CCSER1: variants seen among roughly 807,000 people sequenced by gnomAD.
CCSER1 encodes coiled-coil serine rich protein 1.
CCSER1 carries 41 observed loss-of-function variants against 82.0 expected under a neutral mutation model. The observed-to-expected ratio is 0.50, with a 90% CI of 0.39 to 0.65. CCSER1 has a LOEUF of 0.65. CCSER1 is among the 30% of genes least tolerant of loss of function. The pLI is 0.00. For synonymous variants in CCSER1, 414 were observed against 383.9 expected (o/e 1.08, Z -0.92); for missense variants, 1,119 against 1,064.2 (o/e 1.05, Z -0.72).
intron 1 of CCSER1, among the ~76,000 whole-genome samples, chr4:90,264,793 A>G (rs1724957001): frequency 1.3e-5 from 2 of 151,968 alleles, no homozygotes; most frequent in Admixed American, 1.3e-4. Context: ...TCCTGTCTGG[A>G]TTATTAAGGT....
At chr4:90,594,525 A>G (rs958386936) in intron 5 of CCSER1, among the ~76,000 whole-genome samples, 1 of 152,146 alleles carries the variant, frequency 6.6e-6, no homozygotes, top group Non-Finnish European at 1.5e-5. Context: ...TATAGTAAAC[A>G]GTCTCACAGA....
chr4:91,205,534 A>G (rs1736272866), intron 10 of CCSER1, among the ~76,000 whole-genome samples: 1 of 151,762 alleles, frequency 6.6e-6, no homozygotes, highest in South Asian at 2.1e-4. Flanking sequence ...GGGACATTGA[A>G]GAGAGTCTCA....
Position 91,602,237 on chromosome 4 carries a change from G to T in CCSER1, c.*3180G>T, listed in dbSNP as rs1764841135. 6.6e-6 allele frequency among the ~76,000 whole-genome samples: 1 copy of T among 151,888 alleles called. No homozygotes were observed. Among genetic ancestry groups the T allele is most frequent in the East Asian group, 1.9e-4 (1 of 5,192 alleles). Reference sequence around the variant, plus strand: ...TACAAAGATTTTCATGATTAATCTGGGTTTATGATTTAATCCTAACTCATT... The same window carrying T: ...TACAAAGATTTTCATGATTAATCTGTGTTTATGATTTAATCCTAACTCATT... On this transcript the variant is annotated 3_prime_UTR_variant, in exon 11 of 11. Coordinates refer to ENST00000509176, the MANE Select transcript of CCSER1 (RefSeq NM_001145065.2).
rs548406155 is a variant in CCSER1 at position 91,303,419 on chromosome 4, G to C, written c.2217+217425G>C. ...TGGAATACTGGAACATAGGCAAAAA[G>C]TAAGGAAATCTAAATAAATTATGAA... On this transcript the variant is annotated intron_variant, in intron 10 of 10. Transcript: ENST00000509176. 2.0e-5 allele frequency among the ~76,000 whole-genome samples: 3 copies of C among 152,082 alleles called. No individual in the cohort carries two copies. The East Asian group carries it at 5.8e-4, about 30-fold the overall frequency.
At chr4:91,471,907 T>C (rs1438699960) in intron 10 of CCSER1, among the ~76,000 whole-genome samples, 1 of 146,350 alleles carries the variant, frequency 6.8e-6, no homozygotes, top group Non-Finnish European at 1.5e-5. Flanking sequence ...GAGGCAGAGC[T>C]TGCAGTGAGC....
Position 91,023,211 on chromosome 4 carries a change from C to T in CCSER1, c.2173-62739C>T, listed in dbSNP as rs1450236263. 4.6e-5 allele frequency among the ~76,000 whole-genome samples: 7 copies of T among 152,186 alleles called. No individual in the cohort carries two copies. The East Asian group carries it at 7.7e-4, about 17-fold the overall frequency. On this transcript the variant is annotated intron_variant, in intron 9 of 10. Transcript: ENST00000509176. ...GCTCATGGGTAGGAAGAATCAATAT[C>T]GTGAAAATGGCCATACTGCCCAAGG...
intron 10 of CCSER1, among the ~76,000 whole-genome samples, chr4:91,552,643 G>C (rs778961389): frequency 3.9e-4 from 59 of 151,596 alleles, no homozygotes; most frequent in Non-Finnish European, 6.5e-4. Context: ...ATGCTCAAAA[G>C]AGTGGAAGCA....
chr4:91,538,698 C>CATATATTATATATATATATATATTAT lies in CCSER1; in HGVS notation c.2218-59868_2218-59867insTATATATATATATATATTATATATAT. Among the ~76,000 whole-genome samples the CATATATTATATATATATATATATTAT allele has an allele frequency of 4.4e-4, 61 of 138,312 alleles. 3 individuals carry two copies. Among genetic ancestry groups the CATATATTATATATATATATATATTAT allele is most frequent in the Non-Finnish European group, 5.5e-4 (36 of 65,326 alleles). The allele number at this position is 138,312 out of a possible 152,430, so 90.7% of individuals were successfully genotyped here. A position where few individuals can be genotyped will look rare whatever the true frequency, so the allele number is the denominator to read the frequency against. On this transcript the variant is annotated intron_variant, in intron 10 of 10. Transcript: ENST00000509176. ...ATATATGATATATATTATATATACACATATATATATATAATATCTCAGTGC... is the reference window on the plus strand; with the variant it reads ...ATATATGATATATATTATATATACACATATATTATATATATATATATATTATATATATATATATAATATCTCAGTGC...
intron 7 of CCSER1, among the ~76,000 whole-genome samples, chr4:90,799,421 G>A (rs1191581770): frequency 2.6e-5 from 4 of 152,154 alleles, no homozygotes; most frequent in Non-Finnish European, 4.4e-5. Context: ...AAGTGATGTG[G>A]GACCCTGGGG....
At chr4:91,087,514 T>C (rs1723505874) in intron 10 of CCSER1, among the ~76,000 whole-genome samples, 1 of 152,156 alleles carries the variant, frequency 6.6e-6, no homozygotes, top group African/African-American at 2.4e-5. Context: ...AGGAACATGG[T>C]AAAATGTGTT....
At chr4:91,168,569 T>G (rs1189205213) in intron 10 of CCSER1, among the ~76,000 whole-genome samples, 452 of 89,174 alleles carry the variant, frequency 5.1e-3, no homozygotes, top group Middle Eastern at 0.015. Context: ...CATCTGGGAA[T>G]TGAGGAGCGC....
At chr4:90,763,465 C>G (rs767356673) in intron 7 of CCSER1, among the ~76,000 whole-genome samples, 6 of 152,078 alleles carry the variant, frequency 3.9e-5, no homozygotes, top group Non-Finnish European at 7.4e-5. Flanking sequence ...AAGTACTCAT[C>G]CTTTAGTGAT....
chr4:91,153,252 C>T (rs764639609), intron 10 of CCSER1, among the ~76,000 whole-genome samples: 7 of 151,916 alleles, frequency 4.6e-5, no homozygotes, highest in Non-Finnish European at 1.0e-4. Flanking sequence ...CACTTCATTT[C>T]ATTCATTTGA....
intron 10 of CCSER1, among the ~76,000 whole-genome samples, chr4:91,397,044 C>G (rs921026576): frequency 2.0e-5 from 3 of 152,106 alleles, no homozygotes; most frequent in Non-Finnish European, 4.4e-5. Flanking sequence ...TCTTTGATAT[C>G]TGGCTCTGTA....
intron 8 of CCSER1, among the ~76,000 whole-genome samples, chr4:90,888,507 A>G (rs577503902): frequency 3.3e-5 from 5 of 152,064 alleles, no homozygotes; most frequent in African/African-American, 1.2e-4. Flanking sequence ...TTTTGTTTTT[A>G]TATATAACAA....
chr4:91,104,439 C>T (rs984993369), intron 10 of CCSER1, among the ~76,000 whole-genome samples: 1 of 152,170 alleles, frequency 6.6e-6, no homozygotes, highest in African/African-American at 2.4e-5. Context: ...TAAAATTCCT[C>T]TCTTTGTACT....
intron 5 of CCSER1, among the ~76,000 whole-genome samples, chr4:90,610,985 C>T (rs1785395270): frequency 6.6e-6 from 1 of 151,766 alleles, no homozygotes; most frequent in South Asian, 2.1e-4. Flanking sequence ...TCAAGCAATT[C>T]TCCTGCCTCA....
intron 1 of CCSER1, among the ~76,000 whole-genome samples, chr4:90,268,391 G>A (rs888559493): frequency 2.6e-5 from 4 of 152,102 alleles, no homozygotes; most frequent in African/African-American, 9.7e-5. Flanking sequence ...AAGTTAAAAA[G>A]TGGGAATACG....
chr4:90,940,167 A>C (rs1176698131), intron 9 of CCSER1, among the ~76,000 whole-genome samples: 4 of 152,140 alleles, frequency 2.6e-5, no homozygotes, highest in African/African-American at 7.2e-5. Context: ...TTTTTTCCTC[A>C]AAAGCAATTT....
Sources: gnomAD v4.1 joint callset for allele counts (sites outside exome capture counted in the v4.1 genomes callset) on GRCh38, gnomAD v4.1.1 for gene constraint, MANE v1.5 for transcripts, NCBI Gene and HGNC (gene_info 2026-07-23, HGNC 2026-07-21) for gene names.